EPHB2: variants seen among roughly 807,000 people sequenced by gnomAD.
EPHB2 encodes ephrin type-B receptor 2.
In EPHB2, 18 loss-of-function variants were observed where a neutral mutation model predicts 96.4. That is an observed-to-expected ratio of 0.19 (90% CI 0.13 to 0.28). The LOEUF is 0.28. EPHB2 is among the 10% of genes least tolerant of loss of function. The pLI is 1.00. For synonymous variants in EPHB2, 506 were observed against 534.1 expected, an observed-to-expected ratio of 0.95 and a Z score of 0.72; for missense variants, 989 against 1,355.4, an observed-to-expected ratio of 0.73 and a Z score of 4.25.
intron 3 of EPHB2, among the ~76,000 whole-genome samples, chr1:22,799,821 G>A (rs1196983876): frequency 6.6e-6 from 1 of 152,200 alleles, no homozygotes; most frequent in East Asian, 1.9e-4. Flanking sequence ...AGAGCCTCAT[G>A]GCAGCCTTAG....
intron 3 of EPHB2, among the ~76,000 whole-genome samples, chr1:22,803,697 GTA>G (rs1219155535): frequency 2.8e-5 from 4 of 145,058 alleles, no homozygotes; most frequent in Admixed American, 1.4e-4. Flanking sequence ...ATATATGTGT[GTA>G]TATATATGTA....
intron 5 of EPHB2, among the ~76,000 whole-genome samples, chr1:22,870,913 G>C (rs1454329037): frequency 1.3e-5 from 2 of 152,216 alleles, no homozygotes; most frequent in African/African-American, 4.8e-5. Flanking sequence ...CTCCTTACAG[G>C]AGGATTTAGC....
At chr1:22,769,566 C>T (rs1333849370) in intron 1 of EPHB2, among the ~76,000 whole-genome samples, 2 of 152,106 alleles carry the variant, frequency 1.3e-5, no homozygotes, top group East Asian at 1.9e-4. Flanking sequence ...CACCACCACA[C>T]CCAGCTAATT....
intron 1 of EPHB2, among the ~76,000 whole-genome samples, chr1:22,736,769 T>C (rs896492841): frequency 6.6e-6 from 1 of 152,186 alleles, no homozygotes; most frequent in Non-Finnish European, 1.5e-5. Context: ...AGCCTTTTTT[T>C]CCCAGCGCAC....
At chr1:22,748,660 G>A (rs867784528) in intron 1 of EPHB2, among the ~76,000 whole-genome samples, 13 of 151,660 alleles carry the variant, frequency 8.6e-5, no homozygotes, top group Non-Finnish European at 1.3e-4. Context: ...GATTACAGGC[G>A]TGAGCCACTG....
At chr1:22,768,558 G>C (rs1040079803) in intron 1 of EPHB2, among the ~76,000 whole-genome samples, 12 of 151,970 alleles carry the variant, frequency 7.9e-5, no homozygotes, top group African/African-American at 2.9e-4. Flanking sequence ...GCAGGGCATG[G>C]TGATCACACG....
In EPHB2 at chr1:22,784,346, G is replaced by A. The variant is rs758863208; in HGVS notation, c.127-46G>A. 1 of 1,588,210 alleles carries A rather than the reference G, an allele frequency of 6.3e-7. No homozygotes were observed. The highest frequency in any genetic ancestry group is 1.7e-5 in the Admixed American group (1 of 59,714). On this transcript the variant is annotated intron_variant, in intron 2 of 15. Transcript: ENST00000374630. The surrounding 1 kb of genome is among the most constrained non-coding windows in gnomAD (Gnocchi z 5.1). ...TTCCACCTTAGACTGAGTGTGTGCT[G>A]GGGCTGAGCCCTTACCTCCCCACCT...
rs975858798 is a variant in EPHB2, at chr1:22,917,666, A to C, written c.*4096A>C. 2 of 152,302 alleles carry C rather than the reference A, an allele frequency of 1.3e-5. No individual in the cohort carries two copies. The highest frequency in any genetic ancestry group is 6.5e-5 in the Admixed American group (1 of 15,274). The allele number at this position is 152,302 out of a possible 1,614,324, so 9.4% of individuals were successfully genotyped here. A position where few individuals can be genotyped will look rare whatever the true frequency, so the allele number is the denominator to read the frequency against. On this transcript the variant is annotated 3_prime_UTR_variant, in exon 16 of 16. Transcript: ENST00000374630. ...ATTCCCCCTGCATATTTTGGGGGGAAACTGAGGCTCAGGGGGATGAAGTAC... is the reference window on the plus strand; with the variant it reads ...ATTCCCCCTGCATATTTTGGGGGGACACTGAGGCTCAGGGGGATGAAGTAC...
intron 6 of EPHB2, among the ~76,000 whole-genome samples, chr1:22,890,414 T>TG (rs1639353883): frequency 6.6e-6 from 1 of 152,128 alleles, no homozygotes; most frequent in Non-Finnish European, 1.5e-5. Context: ...CCCCCTGTTA[T>TG]GGGGGTGGTA....
intron 1 of EPHB2, among the ~76,000 whole-genome samples, chr1:22,715,966 C>T (rs1268385034): frequency 1.3e-5 from 2 of 152,226 alleles, no homozygotes; most frequent in African/African-American, 4.8e-5. Flanking sequence ...TAAGGTCCTT[C>T]CCTCAATGAT....
At position 22,890,206 on chromosome 1, in the gene EPHB2, G is replaced by A. The variant is rs75708899; in HGVS notation, c.1429-2678G>A. On this transcript the variant is annotated intron_variant, in intron 6 of 15. Coordinates refer to ENST00000374630, the MANE Select transcript of EPHB2 (RefSeq NM_017449.5). ...CATGGGCTTAGAGTTAAGGGGGCGA[G>A]AGGAGCCTCAGCTGGAAGTTGAGGG... Among the ~76,000 whole-genome samples the A allele has an allele frequency of 5.5e-3, 841 of 152,262 alleles. 9 individuals carry two copies. Among genetic ancestry groups the A allele is most frequent in the African/African-American group, 0.019 (783 of 41,528 alleles).
intron 9 of EPHB2, among the ~76,000 whole-genome samples, chr1:22,903,814 C>T (rs577474411): frequency 1.3e-5 from 2 of 152,114 alleles, no homozygotes; most frequent in African/African-American, 2.4e-5. Context: ...GAGCTTTATG[C>T]GTGTGCCAGG....
chr1:22,891,105 A>G, intron 6 of EPHB2: 1 of 456,020 alleles, frequency 2.2e-6, no homozygotes, highest in Non-Finnish European at 4.4e-6. Context: ...TGAGGTAGCT[A>G]CTGTTACTAT....
intron 1 of EPHB2, among the ~76,000 whole-genome samples, chr1:22,711,527 C>T (rs1459363277): frequency 6.6e-6 from 1 of 151,296 alleles, no homozygotes; most frequent in African/African-American, 2.4e-5. Context: ...CCGGCCCGCG[C>T]CCCCGAGATG....
intron 1 of EPHB2, among the ~76,000 whole-genome samples, chr1:22,759,944 C>A (rs1282543901): frequency 6.6e-6 from 1 of 152,128 alleles, no homozygotes; most frequent in Non-Finnish European, 1.5e-5. Context: ...CAAGAACCTG[C>A]CCCGGATCCC....
intron 3 of EPHB2, among the ~76,000 whole-genome samples, chr1:22,838,978 C>A (rs1645425873): frequency 6.6e-6 from 1 of 151,596 alleles, no homozygotes; most frequent in African/African-American, 2.4e-5. Flanking sequence ...AAAGAAAAAT[C>A]ATACTAGAGA....
chr1:22,773,976 G>A (rs1422257280), intron 1 of EPHB2, among the ~76,000 whole-genome samples: 3 of 152,208 alleles, frequency 2.0e-5, no homozygotes, highest in African/African-American at 4.8e-5. Context: ...AATAGTTAAC[G>A]ATGAAATGGG....
chr1:22,832,005 C>T (rs571724143), intron 3 of EPHB2, among the ~76,000 whole-genome samples: 2 of 152,294 alleles, frequency 1.3e-5, no homozygotes, highest in Admixed American at 1.3e-4. Context: ...TGGGCTTCCC[C>T]AGGCCCCAAA....
intron 3 of EPHB2, among the ~76,000 whole-genome samples, chr1:22,854,976 C>T (rs1197439482): frequency 2.0e-5 from 3 of 152,224 alleles, no homozygotes; most frequent in East Asian, 3.8e-4. Context: ...ATGGCACAAA[C>T]CCCTGAAAAT....
Sources: gnomAD v4.1 joint callset for allele counts (sites outside exome capture counted in the v4.1 genomes callset) on GRCh38, gnomAD v4.1.1 for gene constraint, Gnocchi (gnomAD v3.1) non-coding constraint, MANE v1.5 for transcripts, NCBI Gene and HGNC (gene_info 2026-07-23, HGNC 2026-07-21) for gene names.